PARP9: variants seen among roughly 807,000 people sequenced by gnomAD.
PARP9 encodes poly(ADP-ribose) polymerase family member 9, also known as protein mono-ADP-ribosyltransferase PARP9.
PARP9 carries 48 observed loss-of-function variants against 68.8 expected under a neutral mutation model. The observed-to-expected ratio is 0.70, with a 90% confidence interval of 0.55 to 0.89. The LOEUF is 0.89. Among genes scored for constraint, PARP9 ranks in the 40% least tolerant of loss-of-function variants. PARP9 has a pLI of 0.00. For synonymous variants in PARP9, 309 were observed against 333.8 expected (o/e 0.93, Z 0.81); for missense variants, 806 against 969.3 (o/e 0.83, Z 2.24).
At position 122,559,697 on chromosome 3, in the gene PARP9, T is replaced by C. The variant is rs1263121049; in HGVS notation, c.-77A>G. The C allele has an allele frequency of 2.8e-6, 4 of 1,406,190 alleles. No individual in the cohort carries two copies. The highest frequency in any genetic ancestry group is 3.8e-6 in the Non-Finnish European group (4 of 1,040,540). 87.1% of individuals were successfully genotyped at this position (1,406,190 alleles called of 1,614,324 possible). On this transcript the variant is annotated 5_prime_UTR_variant, in exon 2 of 11. Coordinates refer to ENST00000682323, the MANE Select transcript of PARP9 (RefSeq NM_001146105.2). ...AAGCATAGACTGTAGTTTCCAGATATGGTGGCCCACTTCTAGGAATGAATT... is the reference window on the plus strand; with the variant it reads ...AAGCATAGACTGTAGTTTCCAGATACGGTGGCCCACTTCTAGGAATGAATT...
intron 10 of PARP9, among the ~76,000 whole-genome samples, chr3:122,531,605 T>C (rs1191651844): frequency 2.6e-5 from 4 of 152,116 alleles, no homozygotes; most frequent in African/African-American, 9.7e-5. Flanking sequence ...ATGTATATAA[T>C]TGTATGTATC....
In PARP9 at chr3:122,529,930, C is replaced by A. The variant is rs533509091; in HGVS notation, c.2081-1187G>T. On this transcript the variant is annotated intron_variant, in intron 10 of 10. Transcript: ENST00000682323. Reference sequence around the variant, plus strand: ...TGTCATCTGGGCCCGGTGGTACACACCTGTAATCCCAGCACTTTGGGAGGC... The same window carrying A: ...TGTCATCTGGGCCCGGTGGTACACAACTGTAATCCCAGCACTTTGGGAGGC... Among the ~76,000 whole-genome samples, 13 of 151,968 alleles carry A rather than the reference C, an allele frequency of 8.6e-5. No homozygotes were observed. In the South Asian group the frequency reaches 2.7e-3, roughly 31 times the overall value.
At chr3:122,563,528 T>A (rs1453783443) in intron 1 of PARP9, among the ~76,000 whole-genome samples, 1 of 152,202 alleles carries the variant, frequency 6.6e-6, no homozygotes, top group Non-Finnish European at 1.5e-5. Context: ...TTAAAAAATA[T>A]GGCTGCAAAA....
At chr3:122,564,750 G>A (rs1033457845), upstream of PARP9, 17 of 1,102,896 alleles carry the variant, frequency 1.5e-5, no homozygotes, top group Non-Finnish European at 2.1e-5. Context: ...CAGGGACGGG[G>A]CCCTACTGCC....
chr3:122,558,319 A>G (rs1253297205), intron 3 of PARP9, 115 bp downstream of exon 3: 1 of 1,613,548 alleles, frequency 6.2e-7, no homozygotes, highest in Non-Finnish European at 8.5e-7. Context: ...AAGGGTCTGC[A>G]GTCACGCACC....
Position 122,540,490 on chromosome 3 carries a change from C to T in PARP9, c.1747G>A (p.Gly583Ser). ...TACTCACCTAACGAGCGCCAAAGGC[C>T]TCGCTCCTTTTTCCTTGCCATTTCC... The part of the protein sequence containing the change: ...QEEMARKKER[G>S]LWRSLGQWTI... Residue 583 changes from glycine (G) to serine (S), a missense_variant, in exon 8 of 11, where the codon GGC (glycine) becomes AGC (serine). Transcript: ENST00000682323. 1 of 1,613,444 alleles carries T rather than the reference C, an allele frequency of 6.2e-7. No individual in the cohort carries two copies. The highest frequency in any genetic ancestry group is 1.3e-5 in the African/African-American group (1 of 75,020).
At chr3:122,550,902 TC>T (rs1168778006) in intron 5 of PARP9, 100 bp from the exon 6 acceptor site, 6 of 1,077,686 alleles carry the variant, frequency 5.6e-6, no homozygotes, top group Non-Finnish European at 8.2e-6. Context: ...ACCTTCACCC[TC>T]CCTCAGGGTT....
At chr3:122,564,565 G>A (rs762483575), upstream of PARP9, 28 of 1,606,766 alleles carry the variant, frequency 1.7e-5, no homozygotes, top group Non-Finnish European at 2.3e-5. Context: ...CAGCACCCAG[G>A]AACACGAAGC....
intron 3 of PARP9, among the ~76,000 whole-genome samples, chr3:122,557,089 C>T (rs954540876): frequency 1.3e-5 from 2 of 151,952 alleles, no homozygotes; most frequent in Non-Finnish European, 2.9e-5. Flanking sequence ...CCACCTGGGC[C>T]GATTGAAATA....
intron 10 of PARP9, among the ~76,000 whole-genome samples, chr3:122,531,348 C>T (rs892060297): frequency 2.6e-5 from 4 of 152,158 alleles, no homozygotes; most frequent in Non-Finnish European, 1.5e-5. Flanking sequence ...TTTTCTTTCC[C>T]GGGAGTTTCT....
At chr3:122,539,568 T>TCTCTCTCTC (rs2078012385) in intron 8 of PARP9, among the ~76,000 whole-genome samples, 1 of 123,218 alleles carries the variant, frequency 8.1e-6, no homozygotes, top group African/African-American at 3.0e-5. Context: ...TCTTTCTTTC[T>TCTCTCTCTC]TTTTTTTTTG....
intron 6 of PARP9, among the ~76,000 whole-genome samples, chr3:122,546,559 A>C (rs2078713711): frequency 6.6e-6 from 1 of 152,240 alleles, no homozygotes; most frequent in Non-Finnish European, 1.5e-5. Context: ...GGAAGAAAAT[A>C]CATGCTTATT....
At chr3:122,547,105 TTTTTTTC>T (rs1559844469) in intron 6 of PARP9, among the ~76,000 whole-genome samples, 2 of 135,970 alleles carry the variant, frequency 1.5e-5, no homozygotes, top group African/African-American at 5.6e-5. Flanking sequence ...TACACGTATT[TTTTTTTC>T]TTTTTTTTTT....
intron 4 of PARP9, 61 bp from the exon 5 acceptor site, chr3:122,552,700 T>G: frequency 2.3e-6 from 3 of 1,290,360 alleles, no homozygotes; most frequent in Non-Finnish European, 2.2e-6. Context: ...ATGACTAATT[T>G]AAATCTTTAC....
chr3:122,534,143 G>T, intron 10 of PARP9: 1 of 852,992 alleles, frequency 1.2e-6, no homozygotes, highest in Non-Finnish European at 1.4e-6. Flanking sequence ...ATCTTGAGTT[G>T]AAAGACTATA....
intron 8 of PARP9, among the ~76,000 whole-genome samples, chr3:122,537,447 T>C (rs921522284): frequency 6.6e-6 from 1 of 152,222 alleles, no homozygotes; most frequent in Non-Finnish European, 1.5e-5. Flanking sequence ...AAATATTAAG[T>C]AAGGAATGAT....
intron 3 of PARP9, among the ~76,000 whole-genome samples, chr3:122,557,247 A>G (rs1317526582): frequency 6.6e-6 from 1 of 152,144 alleles, no homozygotes; most frequent in African/African-American, 2.4e-5. Flanking sequence ...TGCCTGGCCT[A>G]CCCAACTTCT....
At chr3:122,532,821 A>G (rs2077398720) in intron 10 of PARP9, 1 of 152,266 alleles carries the variant, frequency 6.6e-6, no homozygotes, top group African/African-American at 2.4e-5. Context: ...TTCCACAGAC[A>G]ACGGGATAGA....
At chr3:122,528,998 T>C (rs1196782183) in intron 10 of PARP9, among the ~76,000 whole-genome samples, 1 of 151,802 alleles carries the variant, frequency 6.6e-6, no homozygotes, top group Non-Finnish European at 1.5e-5. Flanking sequence ...CTGTAATCCC[T>C]GCACTTTGGG....
Sources: allele counts gnomAD v4.1 joint callset (sites outside exome capture counted in the v4.1 genomes callset), GRCh38; gene constraint gnomAD v4.1.1; transcripts MANE v1.5; gene names NCBI Gene and HGNC (gene_info 2026-07-23, HGNC 2026-07-21).